NACC2: variants seen among roughly 807,000 people sequenced by gnomAD.
NACC2 encodes the protein nucleus accumbens-associated protein 2.
NACC2 carries 8 observed loss-of-function variants against 25.1 expected under a neutral mutation model. The ratio of observed to expected loss-of-function variants is 0.32; its 90% CI spans 0.19 to 0.57. The LOEUF is 0.57. NACC2 is among the 20% of genes least tolerant of loss of function. The probability of loss-of-function intolerance (pLI) is 0.89; values close to 1 mark genes in which losing one functional copy is unlikely to be tolerated. For synonymous variants in NACC2, 435 were observed against 294.7 expected (o/e 1.48, Z -4.88); for missense variants, 644 against 650.2 (o/e 0.99, Z 0.10).
rs1840304719 is a variant in NACC2, at chr9:136,022,268, T to A, written c.887-5839A>T. 6.6e-6 allele frequency among the ~76,000 whole-genome samples: 1 copy of A among 152,054 alleles called. No homozygotes were observed. The highest frequency in any genetic ancestry group is 2.4e-5 in the African/African-American group (1 of 41,406). ...GGGTGACCAGGCCCGGGTGATGAGG[T>A]AACGGGTGCCCCACATGCAGTGGGC... On this transcript the variant is annotated intron_variant, in intron 2 of 5. Transcript: ENST00000277554. The surrounding 1 kb of genome is among the most constrained non-coding windows in gnomAD (Gnocchi z 4.4).
intron 2 of NACC2, among the ~76,000 whole-genome samples, chr9:136,038,295 G>C (rs1840583006): frequency 6.6e-6 from 1 of 152,146 alleles, no homozygotes. Flanking sequence ...CAGCACCTTG[G>C]GAGGCCAAGG....
chr9:136,089,419 G>A (rs1187155572), intron 1 of NACC2, among the ~76,000 whole-genome samples: 1 of 152,042 alleles, frequency 6.6e-6, no homozygotes, highest in Non-Finnish European at 1.5e-5. Flanking sequence ...AAGGGTAGGG[G>A]GTACAGACTT....
At position 136,062,176 on chromosome 9, in the gene NACC2, A is replaced by AC. The variant is rs1330816689; in HGVS notation, c.-59-11597_-59-11596insG. Reference sequence around the variant, plus strand: ...ACAGGACAGGACAGGACAGGACAGGAAAGGAAAGAGAGAGAAAAGAAAGAA... The same window carrying AC: ...ACAGGACAGGACAGGACAGGACAGGACAAGGAAAGAGAGAGAAAAGAAAGAA... On this transcript the variant is annotated intron_variant, in intron 1 of 5. Coordinates refer to ENST00000277554, the MANE Select transcript of NACC2 (RefSeq NM_144653.5). Among the ~76,000 whole-genome samples the AC allele has an allele frequency of 1.1e-3, 157 of 149,194 alleles. 1 individual carries two copies. Among genetic ancestry groups the AC allele is most frequent in the Middle Eastern group, 3.5e-3 (1 of 288 alleles).
intron 1 of NACC2, among the ~76,000 whole-genome samples, chr9:136,078,048 A>G (rs1178972375): frequency 1.3e-5 from 2 of 152,194 alleles, no homozygotes; most frequent in Non-Finnish European, 2.9e-5. Flanking sequence ...CTGGGATTAT[A>G]GGCATGAGCC....
rs570077135 is a variant in NACC2 at position 136,066,489 on chromosome 9, A to G, written c.-59-15909T>C. Among the ~76,000 whole-genome samples, 9 of 152,320 alleles carry G rather than the reference A, an allele frequency of 5.9e-5. 1 individual carries two copies. In the South Asian group the frequency reaches 1.9e-3, roughly 32 times the overall value. ...ACCCACTAGGATGGCTATAATCAAA[A>G]AGACAGAAAACAAAGGTTGGTGGAA... is the stretch of plus-strand genomic sequence containing the variant. On this transcript the variant is annotated intron_variant, in intron 1 of 5. Coordinates refer to ENST00000277554, the MANE Select transcript of NACC2 (RefSeq NM_144653.5).
At chr9:136,092,619 A>G (rs958717044) in intron 1 of NACC2, among the ~76,000 whole-genome samples, 6 of 152,198 alleles carry the variant, frequency 3.9e-5, no homozygotes, top group Non-Finnish European at 8.8e-5. Context: ...CAGAACCACA[A>G]TGGGAGGCTG....
intron 1 of NACC2, among the ~76,000 whole-genome samples, chr9:136,052,927 C>T (rs547330610): frequency 4.9e-4 from 75 of 152,326 alleles, no homozygotes; most frequent in African/African-American, 1.6e-3. Flanking sequence ...GGGCTCATAC[C>T]AGCCTCTCTG....
intron 1 of NACC2, among the ~76,000 whole-genome samples, chr9:136,081,245 ACTGG>A (rs1190524834): frequency 1.3e-5 from 2 of 152,126 alleles, no homozygotes; most frequent in African/African-American, 4.8e-5. Flanking sequence ...CCCGACGGGC[ACTGG>A]GGGCTCCGCA....
rs575142870 is a variant in NACC2, at chr9:136,021,818, C to T, written c.887-5389G>A. Among the ~76,000 whole-genome samples the T allele has an allele frequency of 6.0e-4, 92 of 152,292 alleles. No homozygotes were observed. The South Asian group carries it at 0.011, about 19-fold the overall frequency. On this transcript the variant is annotated intron_variant, in intron 2 of 5. Coordinates refer to ENST00000277554, the MANE Select transcript of NACC2 (RefSeq NM_144653.5). ...CACACAACCTGGATGGATCTCAAAT[C>T]GTGCTGTTACACAGAAGACGTAAAA...
chr9:136,049,819 C>T lies in NACC2; in HGVS notation c.703G>A (p.Gly235Ser). The change falls in exon 2 of 6, where the codon GGC becomes AGC. Residue 235 changes from glycine (G) to serine (S), a missense_variant. Physicochemically the swap from Gly to Ser is moderately conservative, Grantham distance 56. Coordinates refer to ENST00000277554, the MANE Select transcript of NACC2 (RefSeq NM_144653.5). ...TGGGGGTAGGGCATCTGCTGGATGCCGGGGATGAGGGTGGCCAGGCTGGGC... is the reference window on the plus strand; with the variant it reads ...TGGGGGTAGGGCATCTGCTGGATGCTGGGGATGAGGGTGGCCAGGCTGGGC... ...GVPSLATLIPGIQQMPYPQGE... is the reference protein window; with the variant it reads ...GVPSLATLIPSIQQMPYPQGE... The T allele has an allele frequency of 2.7e-6, 2 of 735,912 alleles. No individual in the cohort carries two copies. The highest frequency in any genetic ancestry group is 1.4e-5 in the South Asian group (1 of 70,688). 45.6% of individuals were successfully genotyped at this position (735,912 alleles called of 1,614,324 possible).
At chr9:136,085,010 G>C (rs1290163606) in intron 1 of NACC2, among the ~76,000 whole-genome samples, 1 of 152,128 alleles carries the variant, frequency 6.6e-6, no homozygotes, top group African/African-American at 2.4e-5. Flanking sequence ...GCTGAGGGCA[G>C]CGCAAAAATG....
chr9:136,039,569 T>G (rs1418321600), intron 2 of NACC2, among the ~76,000 whole-genome samples: 1 of 152,128 alleles, frequency 6.6e-6, no homozygotes, highest in Non-Finnish European at 1.5e-5. Context: ...AATGCAAAAT[T>G]CCTTGAGAAA....
intron 3 of NACC2, among the ~76,000 whole-genome samples, chr9:136,014,687 G>C (rs1564216957): frequency 6.6e-6 from 1 of 152,214 alleles, no homozygotes; most frequent in Non-Finnish European, 1.5e-5. Context: ...AGAGCCCTCA[G>C]GCAACGATGA....
intron 1 of NACC2, among the ~76,000 whole-genome samples, chr9:136,061,583 C>T (rs910956281): frequency 6.6e-6 from 1 of 152,128 alleles, no homozygotes; most frequent in African/African-American, 2.4e-5. Context: ...TGTACACGTT[C>T]GGGGGTTGAG....
At position 136,058,945 on chromosome 9, in the gene NACC2, A is replaced by G. The variant is rs1840970013; in HGVS notation, c.-59-8365T>C. Among the ~76,000 whole-genome samples the G allele has an allele frequency of 2.0e-5, 3 of 152,316 alleles. No homozygotes were observed. In the South Asian group the frequency reaches 6.2e-4, roughly 32 times the overall value. ...TGGATAGCGCTGCCCCTGGATGGGT[A>G]GCAGAGGCCCAGGTGTGGGAGGCGT... is the stretch of plus-strand genomic sequence containing the variant. On this transcript the variant is annotated intron_variant, in intron 1 of 5. Transcript: ENST00000277554.
At chr9:136,062,975 A>G (rs921283558) in intron 1 of NACC2, among the ~76,000 whole-genome samples, 5 of 152,230 alleles carry the variant, frequency 3.3e-5, no homozygotes, top group Admixed American at 2.6e-4. Flanking sequence ...CATGAGGTAC[A>G]TGGCCTGTGC....
chr9:136,092,485 C>T (rs1181809693), intron 1 of NACC2, among the ~76,000 whole-genome samples: 2 of 152,238 alleles, frequency 1.3e-5, no homozygotes, highest in African/African-American at 4.8e-5. Context: ...TTGGAGGGCG[C>T]TCCACGGCCT....
In NACC2 at chr9:136,022,970, G is replaced by A. The variant is rs942610526; in HGVS notation, c.887-6541C>T. Reference sequence around the variant, plus strand: ...GGATGCTGACACATGGGGAAATGCAGAAAAGCCCAGCAGGGAAAGCCAGGA... The same window carrying A: ...GGATGCTGACACATGGGGAAATGCAAAAAAGCCCAGCAGGGAAAGCCAGGA... On this transcript the variant is annotated intron_variant, in intron 2 of 5. Transcript: ENST00000277554. This position sits in a 1 kb window ranked among gnomAD's most constrained non-coding sequence, Gnocchi z 4.4. Among the ~76,000 whole-genome samples the A allele has an allele frequency of 7.1e-6, 1 of 140,996 alleles. No homozygotes were observed. The highest frequency in any genetic ancestry group is 2.7e-5 in the African/African-American group (1 of 37,140). 92.5% of individuals were successfully genotyped at this position (140,996 alleles called of 152,430 possible). A position where few individuals can be genotyped will look rare whatever the true frequency, so the allele number is the denominator to read the frequency against.
Position 136,059,341 on chromosome 9 carries a change from C to T in NACC2, c.-59-8761G>A, listed in dbSNP as rs541909750. Among the ~76,000 whole-genome samples, 128 of 152,244 alleles carry T rather than the reference C, an allele frequency of 8.4e-4. 2 individuals carry two copies. The East Asian group carries it at 0.015, about 18-fold the overall frequency. The stretch of plus-strand genomic sequence containing the variant: ...GTCCAGATGCATGCACCAGCCCATC[C>T]GGAGCAGGGCCCTATGACATGCCAG... On this transcript the variant is annotated intron_variant, in intron 1 of 5. Coordinates refer to ENST00000277554, the MANE Select transcript of NACC2 (RefSeq NM_144653.5).
Sources: allele counts gnomAD v4.1 joint callset (sites outside exome capture counted in the v4.1 genomes callset), GRCh38; gene constraint gnomAD v4.1.1; non-coding constraint Gnocchi (gnomAD v3.1); transcripts MANE v1.5; gene names NCBI Gene and HGNC (gene_info 2026-07-23, HGNC 2026-07-21).